ARHGEF16: variants seen among roughly 807,000 people sequenced by gnomAD.
ARHGEF16 encodes the protein Rho guanine exchange factor (GEF) 16.
ARHGEF16 carries 59 observed loss-of-function variants against 74.1 expected under a neutral mutation model. That is an observed-to-expected ratio of 0.80 (90% CI 0.65 to 0.99). The LOEUF (loss-of-function observed/expected upper bound fraction) is 0.99. ARHGEF16 is among the 50% of genes least tolerant of loss of function. The pLI is 0.00. For synonymous variants in ARHGEF16, 415 were observed against 412.6 expected (o/e 1.01, Z -0.07); for missense variants, 948 against 986.6 (o/e 0.96, Z 0.52).
In ARHGEF16 at chr1:3,473,471, C is replaced by T. The variant is rs766063142; in HGVS notation, c.1254C>T (p.Ser418=). 6.2e-7 allele frequency: 1 copy of T among 1,612,440 alleles called. No homozygotes were observed. Among genetic ancestry groups the T allele is most frequent in the Non-Finnish European group, 8.5e-7 (1 of 1,180,010 alleles). The change falls in exon 8 of 15, where the codon TCC becomes TCT. Residue 418 remains serine, a synonymous_variant. Coordinates refer to ENST00000378378, the MANE Select transcript of ARHGEF16 (RefSeq NM_014448.4). ...CGTGCGGGGGCCTGCCCATGCTCTCCTTCCTGATCCTCCCCATGCAGCGGG... is the reference window on the plus strand; with the variant it reads ...CGTGCGGGGGCCTGCCCATGCTCTCTTTCCTGATCCTCCCCATGCAGCGGG... ...RPACGGLPML[S]FLILPMQRVT... is the part of the protein sequence containing the mutation.
intron 6 of ARHGEF16, among the ~76,000 whole-genome samples, chr1:3,472,249 C>T (rs908636415): frequency 6.6e-6 from 1 of 152,250 alleles, no homozygotes; most frequent in Non-Finnish European, 1.5e-5. Flanking sequence ...AGCAGGTGAC[C>T]ATCGTGGGTC....
chr1:3,478,366 A>C (rs2100761066), intron 11 of ARHGEF16, 58 bp from the exon 12 acceptor site: 1 of 1,524,916 alleles, frequency 6.6e-7, no homozygotes, highest in Non-Finnish European at 8.9e-7. Context: ...ACGGGAGCCC[A>C]GCAGCACTGG....
chr1:3,466,800 A>G (rs1164740459), intron 3 of ARHGEF16, among the ~76,000 whole-genome samples: 1 of 152,200 alleles, frequency 6.6e-6, no homozygotes, highest in Non-Finnish European at 1.5e-5. Context: ...GGCCCCTTCC[A>G]GCCCCCAGAA....
At chr1:3,458,915 G>A (rs1639327334) in intron 1 of ARHGEF16, among the ~76,000 whole-genome samples, 2 of 152,076 alleles carry the variant, frequency 1.3e-5, no homozygotes, top group South Asian at 2.1e-4. Context: ...TAAGACCAGG[G>A]GCCAATAAGA....
intron 1 of ARHGEF16, among the ~76,000 whole-genome samples, chr1:3,460,667 G>A (rs1052320558): frequency 2.6e-5 from 4 of 152,146 alleles, no homozygotes; most frequent in African/African-American, 7.2e-5. Flanking sequence ...TGGGTAAAAC[G>A]CAGACACCCT....
rs573176641 is a variant in ARHGEF16, at chr1:3,478,555, C to T, written c.1757C>T (p.Thr586Ile). 1 of 1,612,632 alleles carries T rather than the reference C, an allele frequency of 6.2e-7. No individual in the cohort carries two copies. The highest frequency in any genetic ancestry group is 2.2e-5 in the East Asian group (1 of 44,870). Residue 586 changes from threonine (T) to isoleucine (I), a missense_variant, in exon 12 of 15, where the codon ACC (threonine) becomes ATC (isoleucine). By Grantham distance (89) the Thr-to-Ile change is moderately conservative. Transcript: ENST00000378378. ...SSSVPHPFQVTLLRNSEGRQE... is the reference protein window; with the variant it reads ...SSSVPHPFQVILLRNSEGRQE... ...TCCGTGCCCCACCCCTTCCAGGTGA[C>T]CCTGCTTCGCAACAGCGAGGGCCGC...
rs1347656135 is a variant in ARHGEF16, at chr1:3,473,455, G to A, written c.1238G>A (p.Gly413Asp). 3.7e-6 allele frequency: 6 copies of A among 1,612,518 alleles called. No homozygotes were observed. The highest frequency in any genetic ancestry group is 5.1e-6 in the Non-Finnish European group (6 of 1,179,978). Residue 413 changes from glycine to aspartate, a missense_variant, in exon 8 of 15, where the codon GGC (glycine) becomes GAC (aspartate). Gly to Asp is a moderately conservative substitution (Grantham distance 94). Transcript: ENST00000378378. ...REIERRPACG[G>D]LPMLSFLILP... ...ATTGAGAGGCGGCCGGCGTGCGGGG[G>A]CCTGCCCATGCTCTCCTTCCTGATC...
At chr1:3,473,290 C>T (rs1433707942) in intron 7 of ARHGEF16, 60 bp downstream of exon 7, 2 of 1,593,474 alleles carry the variant, frequency 1.3e-6, no homozygotes, top group Non-Finnish European at 1.7e-6. Flanking sequence ...CCCTGGTCTC[C>T]CAAAGCACAT....
intron 1 of ARHGEF16, among the ~76,000 whole-genome samples, chr1:3,455,680 G>A (rs760923889): frequency 1.3e-5 from 2 of 152,140 alleles, no homozygotes; most frequent in African/African-American, 2.4e-5. Flanking sequence ...TAGGGGGTGC[G>A]TGTGGGCCTG....
Position 3,479,920 on chromosome 1 carries a change from G to A in ARHGEF16, c.1990+7G>A, listed in dbSNP as rs1640009599. 1.2e-6 allele frequency: 2 copies of A among 1,611,900 alleles called. No individual in the cohort carries two copies. The highest frequency in any genetic ancestry group is 1.7e-6 in the Non-Finnish European group (2 of 1,179,740). ...GTTCTGCAGCAGGAGGATGGTGAGT[G>A]CAGGGGCGTTGGGCACAGATGGGTG... On this transcript the variant is annotated splice_region_variant and intron_variant, in intron 14 of 14. Coordinates refer to ENST00000378378, the MANE Select transcript of ARHGEF16 (RefSeq NM_014448.4).
At chr1:3,465,362 G>A (rs1414151890) in intron 2 of ARHGEF16, among the ~76,000 whole-genome samples, 1 of 152,218 alleles carries the variant, frequency 6.6e-6, no homozygotes, top group East Asian at 1.9e-4. Context: ...CCCGGAGGAA[G>A]GAGGGTTAGC....
intron 6 of ARHGEF16, 124 bp from the exon 7 acceptor site, chr1:3,472,954 C>A: frequency 1.1e-6 from 1 of 909,660 alleles, no homozygotes; most frequent in South Asian, 1.8e-5. Context: ...CCTCTGGGAG[C>A]TGAGCTCAGC....
rs539187505 is a variant in ARHGEF16, at chr1:3,466,861, G to A, written c.635-307G>A. On this transcript the variant is annotated intron_variant, in intron 3 of 14. Transcript: ENST00000378378. ...GAGGGGGTACCCAGGTCTCCTCTAC[G>A]GAAATCCCTGGGAAGTGTCCCCAGG... 1.4e-5 allele frequency: 4 copies of A among 289,936 alleles called. No individual in the cohort carries two copies. The East Asian group carries it at 2.6e-4, about 19-fold the overall frequency. 18.0% of individuals were successfully genotyped at this position (289,936 alleles called of 1,614,324 possible).
Position 3,473,195 on chromosome 1 carries a change from C to T in ARHGEF16, c.1140C>T (p.Asn380=), listed in dbSNP as rs1399537648. The stretch of plus-strand genomic sequence containing the variant: ...ACCCCTACATCGCCTACTGCTCCAA[C>T]GAGGTCTACCAACAGCGCACGCTGC... ...HFHPYIAYCS[N]EVYQQRTLQK... is the part of the protein sequence containing the mutation. Residue 380 remains asparagine, a synonymous_variant, in exon 7 of 15, where the codon AAC becomes AAT. Transcript: ENST00000378378. 5 of 1,613,122 alleles carry T rather than the reference C, an allele frequency of 3.1e-6. No homozygotes were observed. Among genetic ancestry groups the T allele is most frequent in the East Asian group, 2.2e-5 (1 of 44,892 alleles).
chr1:3,456,450 C>A (rs1639267975), intron 1 of ARHGEF16, among the ~76,000 whole-genome samples: 1 of 152,222 alleles, frequency 6.6e-6, no homozygotes, highest in African/African-American at 2.4e-5. Flanking sequence ...TCTGGAGCAG[C>A]GTCCTTATTT....
At chr1:3,468,749 C>G in intron 4 of ARHGEF16, 131 bp from the exon 5 acceptor site, 1 of 959,586 alleles carries the variant, frequency 1.0e-6, no homozygotes, top group East Asian at 2.6e-5. Context: ...ACTCCAGGAT[C>G]GGACCTACCT....
intron 12 of ARHGEF16, 86 bp downstream of exon 12, chr1:3,478,698 G>A: frequency 7.0e-7 from 1 of 1,428,572 alleles, no homozygotes; most frequent in African/African-American, 1.4e-5. Context: ...CTTGCTCGCT[G>A]TTGCATGGCT....
chr1:3,477,107 G>A (rs1197347190), intron 10 of ARHGEF16, among the ~76,000 whole-genome samples: 1 of 151,844 alleles, frequency 6.6e-6, no homozygotes, highest in African/African-American at 2.4e-5. Flanking sequence ...GAGGGTGGTG[G>A]CAGAGGCCGG....
chr1:3,470,771 G>A (rs990647373), intron 6 of ARHGEF16, among the ~76,000 whole-genome samples: 8 of 146,918 alleles, frequency 5.4e-5, no homozygotes, highest in African/African-American at 7.6e-5. Context: ...AGGGTGGCTC[G>A]GGAGCATCCG....
Sources: allele counts gnomAD v4.1 joint callset (sites outside exome capture counted in the v4.1 genomes callset), GRCh38; gene constraint gnomAD v4.1.1; transcripts MANE v1.5; gene names NCBI Gene and HGNC (gene_info 2026-07-23, HGNC 2026-07-21).